The following LDB1 variants were observed in gnomAD, a reference collection of about 807,000 sequenced individuals.
The protein encoded by LDB1 is LIM domain binding 1, also known as LIM domain-binding protein 1.
LDB1 carries 6 observed loss-of-function variants against 49.7 expected under a neutral mutation model. The observed-to-expected ratio is 0.12, with a 90% confidence interval of 0.07 to 0.24. The LOEUF (loss-of-function observed/expected upper bound fraction) is 0.24. Ranked by LOEUF, LDB1 falls within the 10% of genes least tolerant of loss-of-function variation. LDB1 has a pLI of 1.00. For synonymous variants in LDB1, 233 were observed against 202.0 expected (o/e 1.15, Z -1.30); for missense variants, 341 against 561.7 (o/e 0.61, Z 3.97).
intron 1 of LDB1, among the ~76,000 whole-genome samples, chr10:102,114,026 CAGG>C (rs1231802640): frequency 6.6e-6 from 1 of 152,204 alleles, no homozygotes; most frequent in East Asian, 1.9e-4. Flanking sequence ...TCCCCAGCAG[CAGG>C]AGTAGAGGCA....
rs1328589877 is a variant in LDB1, at chr10:102,110,688, G to C, written c.366C>G (p.Thr122=). The C allele has an allele frequency of 2.5e-6, 4 of 1,613,132 alleles. No individual in the cohort carries two copies. The Admixed American group carries it at 5.0e-5, about 20-fold the overall frequency. The stretch of plus-strand genomic sequence containing the variant: ...TGCTGCGGAAGTAGCGTGGGATCAG[G>C]GTCCGGCCAATGGCTGTAGAGATGG... ...DGPKRYTIGR[T]LIPRYFRSIF... is the part of the protein sequence containing the mutation. The change falls in exon 6 of 11, where the codon ACC becomes ACG. Residue 122 remains threonine (T), a synonymous_variant. Coordinates refer to ENST00000673968, the MANE Select transcript of LDB1 (RefSeq NM_001113407.3).
intron 10 of LDB1, 110 bp from the exon 11 acceptor site, chr10:102,108,433 AC>A (rs778555970): frequency 1.2e-5 from 9 of 744,926 alleles, no homozygotes; most frequent in Non-Finnish European, 1.3e-5. Flanking sequence ...AAGAGTCCCC[AC>A]CCCCTCCTCA....
chr10:102,120,047 T>A, intron 1 of LDB1, 39 bp downstream of exon 1: 1 of 1,410,990 alleles, frequency 7.1e-7, no homozygotes, highest in Admixed American at 2.6e-5. Context: ...CAGGGACGGC[T>A]GGGCAGGAAG....
Position 102,109,560 on chromosome 10 carries a change from T to A in LDB1, c.732+40A>T. 1 of 1,613,910 alleles carries A rather than the reference T, an allele frequency of 6.2e-7. No homozygotes were observed. Among genetic ancestry groups the A allele is most frequent in the Non-Finnish European group, 8.5e-7 (1 of 1,179,926 alleles). ...CAGGGGACAGACATGGAGCCGAGAC[T>A]AAATGGACTGGGGCAGAAACTGGGT... is the stretch of plus-strand genomic sequence containing the variant. On this transcript the variant is annotated intron_variant, in intron 8 of 10. Coordinates refer to ENST00000673968, the MANE Select transcript of LDB1 (RefSeq NM_001113407.3). The surrounding 1 kb of genome is among the most constrained non-coding windows in gnomAD (Gnocchi z 5.8).
chr10:102,113,357 A>G (rs2068283284), intron 1 of LDB1, among the ~76,000 whole-genome samples: 1 of 152,200 alleles, frequency 6.6e-6, no homozygotes, highest in Non-Finnish European at 1.5e-5. Flanking sequence ...AGCCCCAGGC[A>G]GATTCAGATG....
Position 102,107,597 on chromosome 10 carries a change from T to C in LDB1, c.*496A>G. The C allele has an allele frequency of 6.5e-6, 1 of 152,968 alleles. No individual in the cohort carries two copies. The highest frequency in any genetic ancestry group is 2.4e-5 in the African/African-American group (1 of 41,304). The allele number at this position is 152,968 out of a possible 1,614,324, so 9.5% of individuals were successfully genotyped here. A position where few individuals can be genotyped will look rare whatever the true frequency, so the allele number is the denominator to read the frequency against. On this transcript the variant is annotated 3_prime_UTR_variant, in exon 11 of 11. Transcript: ENST00000673968. ...CTTACATTTTTAATAATATTATTTT[T>C]AAAAAAACTTGGAGCTGGGATAAGT...
At chr10:102,103,140 A>G (rs2068131579), downstream of LDB1, among the ~76,000 whole-genome samples, 1 of 151,598 alleles carries the variant, frequency 6.6e-6, no homozygotes, top group South Asian at 2.1e-4. Context: ...AGTGATTCTC[A>G]TGCCTCGGCC....
intron 1 of LDB1, among the ~76,000 whole-genome samples, chr10:102,116,225 A>T (rs1564916272): frequency 1.3e-5 from 2 of 152,210 alleles, no homozygotes; most frequent in South Asian, 2.1e-4. Context: ...TCTGTTGCTT[A>T]GGCTGGAGTG....
chr10:102,104,073 A>G (rs1325532131), downstream of LDB1, among the ~76,000 whole-genome samples: 1 of 152,028 alleles, frequency 6.6e-6, no homozygotes, highest in Admixed American at 6.6e-5. Context: ...AAAAAAAAAA[A>G]AAGAAGTCAG....
chr10:102,120,489 G>T, upstream of LDB1: 1 of 658,102 alleles, frequency 1.5e-6, no homozygotes, highest in Non-Finnish European at 1.9e-6. Flanking sequence ...CGGCTCCCCA[G>T]CCCAAGCCGG....
chr10:102,119,731 C>T (rs2133537973), intron 1 of LDB1, among the ~76,000 whole-genome samples: 1 of 145,248 alleles, frequency 6.9e-6, no homozygotes, highest in Admixed American at 7.0e-5. Context: ...CCAATCACAA[C>T]TCTATGGTGA....
chr10:102,103,893 C>T (rs1378575402), downstream of LDB1, among the ~76,000 whole-genome samples: 1 of 151,752 alleles, frequency 6.6e-6, no homozygotes, highest in African/African-American at 2.4e-5. Flanking sequence ...AAAACCACGT[C>T]GCTACTAAAA....
Position 102,109,658 on chromosome 10 carries a change from T to C in LDB1, c.674A>G (p.Gln225Arg), listed in dbSNP as rs1392882608. Reference sequence around the variant, plus strand: ...ACACCGAGTGATGTTTTTGGAGAGCTGATCCAACATCTGGGGGTCTTGGGC... The same window carrying C: ...ACACCGAGTGATGTTTTTGGAGAGCCGATCCAACATCTGGGGGTCTTGGGC... ...MHAQDPQMLD[Q>R]LSKNITRCGL... The change falls in exon 8 of 11, where the codon CAG (glutamine) becomes CGG (arginine). Residue 225 changes from glutamine to arginine, a missense_variant. Around this residue, in one of 5 missense-constraint regions of LDB1, gnomAD observed 233 missense variants for 385.7 expected, o/e 0.60. Transcript: ENST00000673968. This position sits in a 1 kb window ranked among gnomAD's most constrained non-coding sequence, Gnocchi z 5.8. The C allele has an allele frequency of 6.2e-7, 1 of 1,614,078 alleles. No homozygotes were observed. Among genetic ancestry groups the C allele is most frequent in the Non-Finnish European group, 8.5e-7 (1 of 1,179,994 alleles).
chr10:102,114,047 G>T (rs749953621), intron 1 of LDB1, among the ~76,000 whole-genome samples: 2 of 152,226 alleles, frequency 1.3e-5, no homozygotes, highest in Admixed American at 6.5e-5. Context: ...GCAGCAAGGT[G>T]GGGGGACGGA....
rs1382815258 is a variant in LDB1, at chr10:102,107,152, G to A, written c.*941C>T. Among the ~76,000 whole-genome samples, 1 of 152,112 alleles carries A rather than the reference G, an allele frequency of 6.6e-6. No homozygotes were observed. Among genetic ancestry groups the A allele is most frequent in the African/African-American group, 2.4e-5 (1 of 41,410 alleles). On this transcript the variant is annotated 3_prime_UTR_variant, in exon 11 of 11. Transcript: ENST00000673968. Reference sequence around the variant, plus strand: ...TCCCTTCTCTCCACGCTCCCTAAGGGAAGGAGCCTCCCCTCCCCGCATCCT... The same window carrying A: ...TCCCTTCTCTCCACGCTCCCTAAGGAAAGGAGCCTCCCCTCCCCGCATCCT...
chr10:102,111,623 AT>A (rs2068256030), intron 1 of LDB1, 87 bp from the exon 2 acceptor site: 1 of 729,388 alleles, frequency 1.4e-6, no homozygotes, highest in South Asian at 2.1e-5. Context: ...AAGAAGATTG[AT>A]TGAGCACAGG....
At chr10:102,116,111 T>A (rs1035862654) in intron 1 of LDB1, among the ~76,000 whole-genome samples, 1 of 152,250 alleles carries the variant, frequency 6.6e-6, no homozygotes, top group Non-Finnish European at 1.5e-5. Context: ...CACCTGGCTC[T>A]GTGAACATCT....
chr10:102,120,770 G>A (rs560044871), upstream of LDB1, among the ~76,000 whole-genome samples: 7 of 152,274 alleles, frequency 4.6e-5, no homozygotes, highest in South Asian at 2.1e-4. Context: ...GGGTGCCGCC[G>A]GATGGGGAGT....
chr10:102,106,264 C>T (rs895969303), downstream of LDB1, among the ~76,000 whole-genome samples: 1 of 151,982 alleles, frequency 6.6e-6, no homozygotes, highest in Non-Finnish European at 1.5e-5. Context: ...AAAGCCAACT[C>T]TCCCTCAACT....
Sources: allele counts gnomAD v4.1 joint callset (sites outside exome capture counted in the v4.1 genomes callset), GRCh38; gene constraint gnomAD v4.1.1; regional missense constraint gnomAD v4.1.1; non-coding constraint Gnocchi (gnomAD v3.1); transcripts MANE v1.5; gene names NCBI Gene and HGNC (gene_info 2026-07-23, HGNC 2026-07-21).